Variants in HAPSTR1 observed in about 807,000 individuals in gnomAD.
HAPSTR1 encodes the protein HUWE1 associated protein modifying stress responses.
the HAPSTR1 span, chr16:9,091,741 G>T: frequency 8.8e-5 from 35 of 399,208 alleles, no homozygotes; most frequent in Non-Finnish European, 1.5e-4. Context: ...CAGCGCCATG[G>T]GGGGGCGTTA....
chr16:9,116,293 C>T, the HAPSTR1 span, among the ~76,000 whole-genome samples: 2 of 152,150 alleles, frequency 1.3e-5, no homozygotes, highest in African/African-American at 4.8e-5. Flanking sequence ...GGAATGGTAA[C>T]TTTGGGTAAC....
the HAPSTR1 span, chr16:9,108,412 A>G: frequency 1.3e-5 from 2 of 152,124 alleles, no homozygotes; most frequent in Non-Finnish European, 2.9e-5. Flanking sequence ...TCTCGAACTC[A>G]TGGGTGCAAG....
At chr16:9,116,983 A>G in the HAPSTR1 span, 1 of 1,576,132 alleles carries the variant, frequency 6.3e-7, no homozygotes, top group Non-Finnish European at 8.6e-7. Context: ...TATAATTGCA[A>G]AGGAAACATG....
chr16:9,102,898 GT>G, the HAPSTR1 span: 1 of 1,414,624 alleles, frequency 7.1e-7, no homozygotes. Flanking sequence ...ATTCACTTTG[GT>G]TAAATTGTAA....
At chr16:9,119,440 C>G in the HAPSTR1 span, 1 of 152,242 alleles carries the variant, frequency 6.6e-6, no homozygotes, top group African/African-American at 2.4e-5. Flanking sequence ...GCCAGATTCT[C>G]TGATTCTTTT....
chr16:9,092,069 G>A, the HAPSTR1 span: 1 of 1,534,498 alleles, frequency 6.5e-7, no homozygotes. Context: ...GGAGGAGGGC[G>A]AGGCCGAGAT....
chr16:9,092,788 C>T, the HAPSTR1 span: 1 of 990,358 alleles, frequency 1.0e-6, no homozygotes, highest in South Asian at 1.7e-5. Flanking sequence ...AACCCCTGAA[C>T]AAAATGGCGA....
the HAPSTR1 span, chr16:9,117,542 C>T: frequency 1.4e-4 from 22 of 153,018 alleles, no homozygotes; most frequent in African/African-American, 5.3e-4. Context: ...ATGCCCAGAG[C>T]TTTATTGGAT....
At chr16:9,108,889 C>A in the HAPSTR1 span, 1 of 152,166 alleles carries the variant, frequency 6.6e-6, no homozygotes, top group East Asian at 1.9e-4. Context: ...TACCATGACA[C>A]TGGAAGTATT....
chr16:9,107,754 C>G, the HAPSTR1 span: 1 of 152,508 alleles, frequency 6.6e-6, no homozygotes, highest in South Asian at 2.1e-4. Context: ...AGCCTTGCTT[C>G]AGGGCTCCCA....
the HAPSTR1 span, among the ~76,000 whole-genome samples, chr16:9,098,315 A>G: frequency 6.6e-6 from 1 of 152,184 alleles, no homozygotes; most frequent in Non-Finnish European, 1.5e-5. Context: ...CCTGGGCAGC[A>G]AGAGCGAAAA....
the HAPSTR1 span, chr16:9,091,887 G>C: frequency 2.0e-6 from 1 of 505,670 alleles, no homozygotes; most frequent in African/African-American, 2.0e-5. Flanking sequence ...GGGGCTCGCC[G>C]GCCGTCGGGG....
At chr16:9,092,071 G>T in the HAPSTR1 span, 1 of 1,535,720 alleles carries the variant, frequency 6.5e-7, no homozygotes, top group African/African-American at 1.4e-5. Flanking sequence ...AGGAGGGCGA[G>T]GCCGAGATCC....
At chr16:9,108,333 T>G in the HAPSTR1 span, 1 of 152,134 alleles carries the variant, frequency 6.6e-6, no homozygotes, top group Admixed American at 6.5e-5. Context: ...AATTTCTAAT[T>G]TTCAATATAT....
the HAPSTR1 span, among the ~76,000 whole-genome samples, chr16:9,093,260 C>T: frequency 6.6e-6 from 1 of 152,080 alleles, no homozygotes; most frequent in Admixed American, 6.6e-5. Flanking sequence ...GTTGGGCACC[C>T]AGTGTATAGA....
chr16:9,092,307 G>C, the HAPSTR1 span: 13 of 1,443,622 alleles, frequency 9.0e-6, no homozygotes, highest in Non-Finnish European at 1.1e-5. Context: ...CCGCTTGGCC[G>C]CCCCCGCCCG....
the HAPSTR1 span, chr16:9,117,016 G>T: frequency 6.7e-7 from 1 of 1,486,412 alleles, no homozygotes; most frequent in South Asian, 1.3e-5. Context: ...CTTGTTCACT[G>T]TTTAAGACAA....
At chr16:9,117,260 C>CT in the HAPSTR1 span, 1,210 of 181,762 alleles carry the variant, frequency 6.7e-3, 4 homozygotes, top group South Asian at 0.018. Context: ...TTATAGAATG[C>CT]TTTTTTTTTT....
the HAPSTR1 span, among the ~76,000 whole-genome samples, chr16:9,099,025 C>A: frequency 1.3e-5 from 2 of 152,066 alleles, no homozygotes; most frequent in Non-Finnish European, 2.9e-5. Context: ...ATTTGGTCTT[C>A]AGAATCAATA....
Sources: gnomAD v4.1 joint callset for allele counts (sites outside exome capture counted in the v4.1 genomes callset) on GRCh38, gnomAD v4.1.1 for gene constraint, MANE v1.5 for transcripts, NCBI Gene and HGNC (gene_info 2026-07-23, HGNC 2026-07-21) for gene names.